NIPSNAP3A: variants seen among roughly 807,000 people sequenced by gnomAD.
The protein encoded by NIPSNAP3A is protein NipSnap homolog 3A.
Under a neutral mutation model 32.3 loss-of-function variants are expected in NIPSNAP3A, and 27 were observed. The ratio of observed to expected loss-of-function variants is 0.84; its 90% CI spans 0.62 to 1.15. The LOEUF (loss-of-function observed/expected upper bound fraction) is 1.15. NIPSNAP3A is among the 50% of genes most tolerant of loss of function. NIPSNAP3A has a pLI of 0.00. For missense variants in NIPSNAP3A, 278 were observed against 297.2 expected (o/e 0.94, Z 0.48); for synonymous variants, 108 against 107.3 (o/e 1.01, Z -0.04).
chr9:104,755,890 C>T, intron 4 of NIPSNAP3A, among the ~76,000 whole-genome samples: 1 of 151,846 alleles, frequency 6.6e-6, no homozygotes. Context: ...TGCACTCCAA[C>T]CCCTGAACGA....
chr9:104,750,876 A>G, intron 1 of NIPSNAP3A, 80 bp from the exon 2 acceptor site: 1 of 1,114,698 alleles, frequency 9.0e-7, no homozygotes, highest in Non-Finnish European at 1.4e-6. Context: ...TGTCCCTTGT[A>G]CCAGATTCAG....
chr9:104,756,004 CCTTT>C (rs369298741), intron 4 of NIPSNAP3A, among the ~76,000 whole-genome samples: 57 of 152,060 alleles, frequency 3.7e-4, no homozygotes, highest in African/African-American at 1.3e-3. Context: ...TATCCTGTTG[CCTTT>C]CTATTATCTC....
In NIPSNAP3A at chr9:104,752,928, A is replaced by T; in HGVS notation, c.294A>T (p.Glu98Asp). The change falls in exon 3 of 6, where the codon GAA (glutamate) becomes GAT (aspartate). Residue 98 changes from glutamate to aspartate, a missense_variant. Physicochemically the swap from Glu to Asp is conservative, Grantham distance 45 (BLOSUM62 2). Coordinates refer to ENST00000374767, the MANE Select transcript of NIPSNAP3A (RefSeq NM_015469.3). ...CAGATAATTTTGCTCATCGAACTGA[A>T]GTTCGGAAAGCCTTGGCCAAAGATA... Reference protein sequence around the residue: ...WKYDNFAHRTEVRKALAKDKE... With the variant: ...WKYDNFAHRTDVRKALAKDKE... 1 of 1,613,382 alleles carries T rather than the reference A, an allele frequency of 6.2e-7. No individual in the cohort carries two copies. The highest frequency in any genetic ancestry group is 1.1e-5 in the South Asian group (1 of 91,006).
chr9:104,749,365 G>A lies in NIPSNAP3A; in HGVS notation c.60+1513G>A, dbSNP rs115557775. Among the ~76,000 whole-genome samples, 865 of 152,160 alleles carry A rather than the reference G, an allele frequency of 5.7e-3. 7 individuals are homozygous for A. Among genetic ancestry groups the A allele is most frequent in the African/African-American group, 0.019 (790 of 41,502 alleles). ...AGCAATAAGAATATAAGTCACACACGAATAGAATTAACTCTAGATAATTAT... is the reference window on the plus strand; with the variant it reads ...AGCAATAAGAATATAAGTCACACACAAATAGAATTAACTCTAGATAATTAT... On this transcript the variant is annotated intron_variant, in intron 1 of 5. Coordinates refer to ENST00000374767, the MANE Select transcript of NIPSNAP3A (RefSeq NM_015469.3).
In NIPSNAP3A at chr9:104,747,844, G is replaced by C. The variant is rs754872955; in HGVS notation, c.52G>C (p.Ala18Pro). The change falls in exon 1 of 6, where the codon GCG becomes CCG. Residue 18 changes from alanine to proline, a missense_variant. Ala to Pro is a conservative substitution (Grantham distance 27). Coordinates refer to ENST00000374767, the MANE Select transcript of NIPSNAP3A (RefSeq NM_015469.3). ...LTRALASRTLAPQMCSSFATG... is the reference protein window; with the variant it reads ...LTRALASRTLPPQMCSSFATG... ...TCGGGCGCTGGCCTCACGGACGCTG[G>C]CGCCTCAGGTACCGGCCACGGGGGT... is the stretch of plus-strand genomic sequence containing the variant. 1.2e-6 allele frequency: 2 copies of C among 1,608,266 alleles called. No homozygotes were observed. Among genetic ancestry groups the C allele is most frequent in the Non-Finnish European group, 1.7e-6 (2 of 1,178,872 alleles).
At position 104,747,863 on chromosome 9, in the gene NIPSNAP3A, CG is replaced by C; in HGVS notation, c.60+16del. 1.3e-6 allele frequency: 2 copies of C among 1,599,490 alleles called. No homozygotes were observed. The highest frequency in any genetic ancestry group is 1.7e-6 in the Non-Finnish European group (2 of 1,172,666). ...ACGCTGGCGCCTCAGGTACCGGCCACGGGGGTACCCAAGCCTTCACCCGACG... is the reference window on the plus strand; with the variant it reads ...ACGCTGGCGCCTCAGGTACCGGCCACGGGGTACCCAAGCCTTCACCCGACG... On this transcript the variant is annotated intron_variant, in intron 1 of 5. Transcript: ENST00000374767.
Position 104,754,680 on chromosome 9 carries a change from A to G in NIPSNAP3A, c.560A>G (p.Glu187Gly). ...YTKLVGVFHTEYGALNRVHVL... is the reference protein window; with the variant it reads ...YTKLVGVFHTGYGALNRVHVL... ...AAACTAGTTGGAGTGTTCCACACAG[A>G]GTACGGAGCACTCAACAGAGGTACA... Residue 187 changes from glutamate to glycine, a missense_variant, in exon 4 of 6, where the codon GAG (glutamate) becomes GGG (glycine). By Grantham distance (98) the Glu-to-Gly change is moderately conservative. Transcript: ENST00000374767. 6.2e-7 allele frequency: 1 copy of G among 1,613,840 alleles called. No individual in the cohort carries two copies. The highest frequency in any genetic ancestry group is 8.5e-7 in the Non-Finnish European group (1 of 1,179,686).
intron 1 of NIPSNAP3A, among the ~76,000 whole-genome samples, chr9:104,748,061 T>TAC (rs759905518): frequency 9.4e-5 from 13 of 137,586 alleles, no homozygotes; most frequent in Admixed American, 2.9e-4. Context: ...GCTAGGGGAA[T>TAC]ACCCCCAGCC....
At chr9:104,749,416 CATA>C (rs1827818921) in intron 1 of NIPSNAP3A, among the ~76,000 whole-genome samples, 1 of 152,212 alleles carries the variant, frequency 6.6e-6, no homozygotes, top group Non-Finnish European at 1.5e-5. Context: ...TACACAGTTA[CATA>C]ATTTTGTATT....
intron 4 of NIPSNAP3A, among the ~76,000 whole-genome samples, chr9:104,758,805 C>CAA (rs768554060): frequency 8.5e-5 from 10 of 117,078 alleles, no homozygotes; most frequent in Admixed American, 2.6e-4. Context: ...ACTAAAAATA[C>CAA]AAAAAAAAAA....
chr9:104,748,707 T>C (rs1176037970), intron 1 of NIPSNAP3A, among the ~76,000 whole-genome samples: 1 of 152,178 alleles, frequency 6.6e-6, no homozygotes, highest in Non-Finnish European at 1.5e-5. Context: ...GCAGCTCATG[T>C]CCATTCACCC....
Position 104,759,070 on chromosome 9 carries a change from G to T in NIPSNAP3A, c.581-15G>T, listed in dbSNP as rs1337108970. ...GCCATATTTTTTAGAAGCTACTTGT[G>T]GTTTATTTCTGCAGTTCATGTTCTT... On this transcript the variant is annotated splice_polypyrimidine_tract_variant and intron_variant, in intron 4 of 5. Coordinates refer to ENST00000374767, the MANE Select transcript of NIPSNAP3A (RefSeq NM_015469.3). 6.2e-7 allele frequency: 1 copy of T among 1,606,952 alleles called. No individual in the cohort carries two copies. Among genetic ancestry groups the T allele is most frequent in the African/African-American group, 1.3e-5 (1 of 74,596 alleles).
rs923170004 is a variant in NIPSNAP3A, at chr9:104,747,725, C to T, written c.-68C>T. The T allele has an allele frequency of 2.1e-5, 32 of 1,492,618 alleles. No individual in the cohort carries two copies. The highest frequency in any genetic ancestry group is 2.6e-5 in the Non-Finnish European group (28 of 1,090,804). 92.5% of individuals were successfully genotyped at this position (1,492,618 alleles called of 1,614,324 possible). Reference sequence around the variant, plus strand: ...GATCCAGGAGCCGCTCCTTTCCACTCGGGAAACCTTCAGAGGAGTCTCAGA... The same window carrying T: ...GATCCAGGAGCCGCTCCTTTCCACTTGGGAAACCTTCAGAGGAGTCTCAGA... On this transcript the variant is annotated 5_prime_UTR_variant, in exon 1 of 6. Transcript: ENST00000374767.
rs763679818 is a variant in NIPSNAP3A, at chr9:104,754,659, T to C, written c.539T>C (p.Leu180Pro). The C allele has an allele frequency of 6.2e-7, 1 of 1,613,972 alleles. No homozygotes were observed. Among genetic ancestry groups the C allele is most frequent in the Non-Finnish European group, 8.5e-7 (1 of 1,179,836 alleles). ...HAHVNLGYTK[L>P]VGVFHTEYGA... ...CATGTCAATCTAGGCTACACAAAAC[T>C]AGTTGGAGTGTTCCACACAGAGTAC... The change falls in exon 4 of 6, where the codon CTA becomes CCA. Residue 180 changes from leucine (L) to proline (P), a missense_variant. Transcript: ENST00000374767.
intron 4 of NIPSNAP3A, 84 bp from the exon 5 acceptor site, chr9:104,759,001 A>G: frequency 5.2e-6 from 4 of 770,212 alleles, no homozygotes; most frequent in South Asian, 1.6e-5. Context: ...AAAAAAGAAT[A>G]GGATGGGTTT....
rs1827863805 is a variant in NIPSNAP3A, at chr9:104,752,983, A to G, written c.349A>G (p.Asn117Asp). The G allele has an allele frequency of 3.1e-6, 5 of 1,613,272 alleles. No individual in the cohort carries two copies. Among genetic ancestry groups the G allele is most frequent in the Non-Finnish European group, 4.2e-6 (5 of 1,179,260 alleles). ...ATGGCAAGAACAATTCCTCATTCCA[A>G]ATTTGGCTCTCATTGATAAACAAGA... Reference protein sequence around the residue: ...KEWQEQFLIPNLALIDKQESE... With the variant: ...KEWQEQFLIPDLALIDKQESE... Residue 117 changes from asparagine (N) to aspartate (D), a missense_variant, in exon 3 of 6, where the codon AAT becomes GAT. By Grantham distance (23) the Asn-to-Asp change is conservative (BLOSUM62 1). Transcript: ENST00000374767.
At chr9:104,759,059 A>C (rs1298237040) in intron 4 of NIPSNAP3A, 26 bp from the exon 5 acceptor site, 1 of 1,601,348 alleles carries the variant, frequency 6.2e-7, no homozygotes, top group Non-Finnish European at 8.5e-7. Flanking sequence ...TATTTTTTAG[A>C]AGCTACTTGT....
At chr9:104,748,689 A>G (rs987700282) in intron 1 of NIPSNAP3A, among the ~76,000 whole-genome samples, 1 of 152,180 alleles carries the variant, frequency 6.6e-6, no homozygotes, top group African/African-American at 2.4e-5. Context: ...GAGGAGCACT[A>G]AAGAAGAGCA....
intron 4 of NIPSNAP3A, among the ~76,000 whole-genome samples, chr9:104,758,496 C>A (rs1444930816): frequency 3.9e-5 from 6 of 151,964 alleles, no homozygotes; most frequent in Non-Finnish European, 7.4e-5. Context: ...TTGATTGTGC[C>A]TCTAGCTGTT....
Sources: gnomAD v4.1 joint callset for allele counts (sites outside exome capture counted in the v4.1 genomes callset) on GRCh38, gnomAD v4.1.1 for gene constraint, MANE v1.5 for transcripts, NCBI Gene and HGNC (gene_info 2026-07-23, HGNC 2026-07-21) for gene names.